The following UGT1A7 variants were observed in gnomAD, a reference collection of about 807,000 sequenced individuals.
UGT1A7 encodes the protein UDP glucuronosyltransferase family 1 member A7, also known as UDP-glucuronosyltransferase 1A7.
Under a neutral mutation model 45.6 loss-of-function variants are expected in UGT1A7, and 33 were observed. That is an observed-to-expected ratio of 0.72 (90% CI 0.55 to 0.97). UGT1A7 has a LOEUF of 0.97. Ranked by LOEUF, UGT1A7 falls within the 50% of genes least tolerant of loss-of-function variation. The probability of loss-of-function intolerance (pLI) is 0.00; values close to 1 mark genes in which losing one functional copy is unlikely to be tolerated. For missense variants in UGT1A7, 684 were observed against 666.2 expected, an observed-to-expected ratio of 1.03 and a Z score of -0.29; for synonymous variants, 274 against 250.6, an observed-to-expected ratio of 1.09 and a Z score of -0.88.
At chr2:233,690,618 A>G (rs2074999985) in intron 1 of UGT1A7, 6 of 1,288,652 alleles carry the variant, frequency 4.7e-6, no homozygotes, top group Non-Finnish European at 6.1e-6. Flanking sequence ...TTGCCTGGAC[A>G]CTCAAGTGAT....
rs145239529 is a variant in UGT1A7, at chr2:233,769,464, C to CGT, written c.1295+1039_1295+1040dup. ...GGGTGCACACGTGTGCATTCATATGCGTGTGTGTGTGTGTGCGTGTGTTTA... is the reference window on the plus strand; with the variant it reads ...GGGTGCACACGTGTGCATTCATATGCGTGTGTGTGTGTGTGTGCGTGTGTTTA... On this transcript the variant is annotated intron_variant, in intron 4 of 4. Coordinates refer to ENST00000373426, the MANE Select transcript of UGT1A7 (RefSeq NM_019077.3). This position sits in a 1 kb window ranked among gnomAD's most constrained non-coding sequence, Gnocchi z 4.4. 1.1e-3 allele frequency: 1,584 copies of CGT among 1,481,010 alleles called. 6 individuals are homozygous for CGT. The African/African-American group carries it at 0.012, about 11-fold the overall frequency. 91.7% of individuals were successfully genotyped at this position (1,481,010 alleles called of 1,614,324 possible).
chr2:233,755,768 C>G (rs1461511969), intron 1 of UGT1A7: 5 of 152,866 alleles, frequency 3.3e-5, no homozygotes, highest in African/African-American at 1.2e-4. Flanking sequence ...TTTTGTTCAT[C>G]TGGATTATGC....
intron 1 of UGT1A7, among the ~76,000 whole-genome samples, chr2:233,688,483 A>G (rs1485805060): frequency 1.3e-5 from 2 of 152,138 alleles, no homozygotes; most frequent in African/African-American, 4.8e-5. Context: ...TCCTATCTCC[A>G]TCCTTTTGGG....
At chr2:233,695,130 C>CTTTCTTTTTTTTTTTTTTTTTTTT (rs1364557158) in intron 1 of UGT1A7, among the ~76,000 whole-genome samples, 2 of 138,840 alleles carry the variant, frequency 1.4e-5, no homozygotes, top group Middle Eastern at 3.4e-3. Flanking sequence ...CTTTTCTTTT[C>CTTTCTTTTTTTTTTTTTTTTTTTT]TTTTTTTTTT....
At chr2:233,693,799 GC>G in intron 1 of UGT1A7, 2 of 1,614,154 alleles carry the variant, frequency 1.2e-6, no homozygotes, top group Non-Finnish European at 1.7e-6. Context: ...AATATCCTAG[GC>G]CGGTCATGCC....
intron 1 of UGT1A7, among the ~76,000 whole-genome samples, chr2:233,696,769 T>C (rs2125568935): frequency 6.6e-6 from 1 of 152,312 alleles, no homozygotes; most frequent in Middle Eastern, 3.4e-3. Context: ...ATTTATCATA[T>C]ATGGATTTTA....
chr2:233,729,326 T>C (rs370995578), intron 1 of UGT1A7: 82 of 1,614,128 alleles, frequency 5.1e-5, no homozygotes, highest in Non-Finnish European at 6.7e-5. Flanking sequence ...GAGGTGAATA[T>C]GCACATCAAA....
At chr2:233,729,032 T>C in intron 1 of UGT1A7, 2 of 1,601,672 alleles carry the variant, frequency 1.2e-6, no homozygotes. Flanking sequence ...GTTGATTTGC[T>C]AAGTGGCTCA....
At chr2:233,728,977 G>C (rs1437469513) in intron 1 of UGT1A7, 13 of 1,494,456 alleles carry the variant, frequency 8.7e-6, no homozygotes, top group Admixed American at 2.1e-5. Flanking sequence ...ATAGATTAAT[G>C]GTTAATAATT....
chr2:233,767,739 GT>G, intron 2 of UGT1A7, 109 bp from the exon 3 acceptor site: 1 of 1,578,058 alleles, frequency 6.3e-7, no homozygotes, highest in Non-Finnish European at 8.6e-7. Flanking sequence ...CTCCCACTCT[GT>G]TAAAGACTGT....
chr2:233,684,824 A>G (rs898915633), intron 1 of UGT1A7, among the ~76,000 whole-genome samples: 1 of 152,254 alleles, frequency 6.6e-6, no homozygotes, highest in Non-Finnish European at 1.5e-5. Flanking sequence ...GTAAATTGTC[A>G]TAGAAAAATT....
intron 1 of UGT1A7, among the ~76,000 whole-genome samples, chr2:233,686,574 G>C (rs1214376741): frequency 6.6e-6 from 1 of 152,022 alleles, no homozygotes; most frequent in Non-Finnish European, 1.5e-5. Flanking sequence ...TCAGAAGTTA[G>C]TGTGGATTAC....
chr2:233,755,755 T>A (rs1696010342), intron 1 of UGT1A7: 1 of 152,982 alleles, frequency 6.5e-6, no homozygotes, highest in East Asian at 1.9e-4. Context: ...GGTGCCCATT[T>A]GCTTTTGTTC....
chr2:233,697,502 CTT>C (rs1212901051), intron 1 of UGT1A7, among the ~76,000 whole-genome samples: 2 of 142,302 alleles, frequency 1.4e-5, no homozygotes, highest in Non-Finnish European at 3.1e-5. Flanking sequence ...TTTTGTTTAT[CTT>C]TTTTTTTTTT....
At chr2:233,718,766 A>G in intron 1 of UGT1A7, 1 of 1,612,768 alleles carries the variant, frequency 6.2e-7, no homozygotes, top group Non-Finnish European at 8.5e-7. Context: ...GAAGGAAACA[A>G]ATGTAGCAGG....
chr2:233,687,359 T>A (rs746779775), intron 1 of UGT1A7, among the ~76,000 whole-genome samples: 3 of 152,136 alleles, frequency 2.0e-5, no homozygotes, highest in Non-Finnish European at 4.4e-5. Flanking sequence ...ATGGGTGGAC[T>A]GTCTCCTTAG....
chr2:233,767,766 C>T lies in UGT1A7; in HGVS notation c.988-83C>T, dbSNP rs28900402. The stretch of plus-strand genomic sequence containing the variant: ...TAAAGACTGTTCCTTCAGAGGACCC[C>T]TGTTTTCTAGTTAGTATAGCAGATT... On this transcript the variant is annotated intron_variant, in intron 2 of 4. Coordinates refer to ENST00000373426, the MANE Select transcript of UGT1A7 (RefSeq NM_019077.3). 4.7e-3 allele frequency: 7,536 copies of T among 1,609,198 alleles called. 310 individuals are homozygous for T. The African/African-American group carries it at 0.088, about 19-fold the overall frequency.
chr2:233,681,925 C>G lies in UGT1A7; in HGVS notation c.-13C>G. The G allele has an allele frequency of 6.2e-7, 1 of 1,608,936 alleles. No individual in the cohort carries two copies. ...TAGAATCCCAGCTGCTGGCTCTGGG[C>G]TGAAGTTCTCTGATGGCTCGTGCAG... On this transcript the variant is annotated 5_prime_UTR_variant, in exon 1 of 5. Coordinates refer to ENST00000373426, the MANE Select transcript of UGT1A7 (RefSeq NM_019077.3).
Position 233,747,246 on chromosome 2 carries a change from G to C in UGT1A7, c.856-19788G>C, listed in dbSNP as rs1208197105. On this transcript the variant is annotated intron_variant, in intron 1 of 4. Coordinates refer to ENST00000373426, the MANE Select transcript of UGT1A7 (RefSeq NM_019077.3). ...CAGGACCCCAGGTTCCCCTGCTGTG[G>C]CTGGCCACAGGAGTGCTACTCCTTC... The C allele has an allele frequency of 3.7e-6, 6 of 1,601,870 alleles. No individual in the cohort carries two copies. The African/African-American group carries it at 5.4e-5, about 14-fold the overall frequency.
Sources: allele counts gnomAD v4.1 joint callset (sites outside exome capture counted in the v4.1 genomes callset), GRCh38; gene constraint gnomAD v4.1.1; non-coding constraint Gnocchi (gnomAD v3.1); transcripts MANE v1.5; gene names NCBI Gene and HGNC (gene_info 2026-07-23, HGNC 2026-07-21).